LRP6: variants seen among roughly 807,000 people sequenced by gnomAD.
The protein encoded by LRP6 is low-density lipoprotein receptor-related protein 6.
LRP6 carries 43 observed loss-of-function variants against 184.1 expected under a neutral mutation model. That is an observed-to-expected ratio of 0.23 (90% CI 0.18 to 0.30). The LOEUF is 0.30. LRP6 is among the 10% of genes least tolerant of loss of function. The probability of loss-of-function intolerance (pLI) is 1.00; values close to 1 mark genes in which losing one functional copy is unlikely to be tolerated. For missense variants in LRP6, 1,571 were observed against 2,005.3 expected (o/e 0.78, Z 4.14); for synonymous variants, 719 against 684.9 (o/e 1.05, Z -0.78).
chr12:12,205,325 C>CAAAAAAA lies in LRP6; in HGVS notation c.450-1926_450-1925insTTTTTTT, dbSNP rs1334062234. ...CAACAGAATAAGACTCTGTCTCAAA[C>CAAAAAAA]AAACAAAAAAAAAAAAAAAAAAAAA... On this transcript the variant is annotated intron_variant, in intron 2 of 22. Coordinates refer to ENST00000261349, the MANE Select transcript of LRP6 (RefSeq NM_002336.3). Among the ~76,000 whole-genome samples the CAAAAAAA allele has an allele frequency of 5.0e-3, 131 of 26,210 alleles. 7 individuals are homozygous for CAAAAAAA. The highest frequency in any genetic ancestry group is 0.012 in the African/African-American group (128 of 10,448). 17.2% of individuals were successfully genotyped at this position (26,210 alleles called of 152,430 possible). A position where few individuals can be genotyped will look rare whatever the true frequency, so the allele number is the denominator to read the frequency against.
chr12:12,199,322 G>T (rs955886914), intron 3 of LRP6, among the ~76,000 whole-genome samples: 2 of 151,988 alleles, frequency 1.3e-5, no homozygotes, highest in African/African-American at 4.8e-5. Flanking sequence ...ACACTCTATA[G>T]CATGTGTCTC....
rs200429881 is a variant in LRP6, at chr12:12,148,936, A to G, written c.3206+6T>C. 4.3e-4 allele frequency: 689 copies of G among 1,610,306 alleles called. 2 individuals carry two copies. The African/African-American group carries it at 6.9e-3, about 16-fold the overall frequency. ...ACAGTATCTGAACGCCACTTTAGTAACATACCCTTTCTCTGGGTTTACCAC... is the reference window on the plus strand; with the variant it reads ...ACAGTATCTGAACGCCACTTTAGTAGCATACCCTTTCTCTGGGTTTACCAC... On this transcript the variant is annotated splice_donor_region_variant and intron_variant, in intron 14 of 22. Coordinates refer to ENST00000261349, the MANE Select transcript of LRP6 (RefSeq NM_002336.3).
At chr12:12,171,327 T>A in intron 7 of LRP6, among the ~76,000 whole-genome samples, 1 of 152,120 alleles carries the variant, frequency 6.6e-6, no homozygotes, top group Non-Finnish European at 1.5e-5. Context: ...CCATCCTGGC[T>A]AACATGGTGA....
chr12:12,137,667 G>T (rs1477557300), intron 16 of LRP6, among the ~76,000 whole-genome samples: 3 of 151,686 alleles, frequency 2.0e-5, no homozygotes, highest in Non-Finnish European at 4.4e-5. Flanking sequence ...TATAGAGAGG[G>T]AAGAAAAGAA....
chr12:12,156,094 A>T (rs1950148916), intron 12 of LRP6, among the ~76,000 whole-genome samples: 2 of 152,224 alleles, frequency 1.3e-5, no homozygotes, highest in South Asian at 2.1e-4. Flanking sequence ...AAATTACATA[A>T]TACATAAAGA....
intron 1 of LRP6, chr12:12,249,142 T>A (rs769019492): frequency 2.0e-5 from 14 of 708,620 alleles, no homozygotes; most frequent in Admixed American, 6.1e-5. Flanking sequence ...ACAGGGATGA[T>A]AATTGGGCCT....
chr12:12,198,659 G>A (rs969527750), intron 3 of LRP6, among the ~76,000 whole-genome samples: 9 of 149,602 alleles, frequency 6.0e-5, no homozygotes, highest in South Asian at 2.1e-4. Flanking sequence ...TCAGCCTCCC[G>A]AGTAGTTGTG....
chr12:12,218,776 C>T (rs1334637299), intron 2 of LRP6, among the ~76,000 whole-genome samples: 1 of 152,038 alleles, frequency 6.6e-6, no homozygotes, highest in Admixed American at 6.6e-5. Flanking sequence ...CTGCAGTAAG[C>T]TATGACCATG....
intron 3 of LRP6, among the ~76,000 whole-genome samples, chr12:12,192,704 T>C (rs1247326632): frequency 6.6e-6 from 1 of 151,850 alleles, no homozygotes; most frequent in East Asian, 1.9e-4. Flanking sequence ...ATTAGAAACA[T>C]ACAGGTACCT....
At chr12:12,262,292 T>G (rs1025822650) in intron 1 of LRP6, among the ~76,000 whole-genome samples, 3 of 152,088 alleles carry the variant, frequency 2.0e-5, no homozygotes, top group Non-Finnish European at 4.4e-5. Flanking sequence ...AACAGGAGAA[T>G]TGCTTGAACC....
At chr12:12,137,905 G>GT (rs1410989818) in intron 16 of LRP6, among the ~76,000 whole-genome samples, 2 of 151,938 alleles carry the variant, frequency 1.3e-5, no homozygotes, top group African/African-American at 4.8e-5. Flanking sequence ...GATCACACCT[G>GT]TAATCCCAGC....
Position 12,266,664 on chromosome 12 carries a change from G to A in LRP6, c.55+17C>T. On this transcript the variant is annotated intron_variant, in intron 1 of 22. Coordinates refer to ENST00000261349, the MANE Select transcript of LRP6 (RefSeq NM_002336.3). ...CCCCGAACCCCACCAACTTTCCAGT[G>A]CCCCCACTCTTCCCACCTCTCAGGA... The A allele has an allele frequency of 1.2e-6, 2 of 1,609,630 alleles. No individual in the cohort carries two copies. Among genetic ancestry groups the A allele is most frequent in the Non-Finnish European group, 8.5e-7 (1 of 1,177,996 alleles).
rs1211292938 is a variant in LRP6 at position 12,121,162 on chromosome 12, G to A, written c.4806C>T (p.Tyr1602=). Residue 1602 remains tyrosine (Y), a synonymous_variant, in exon 23 of 23, where the codon TAC becomes TAT. Coordinates refer to ENST00000261349, the MANE Select transcript of LRP6 (RefSeq NM_002336.3). ...YTERSYSHHL[Y]PPPPSPCTDS... ...CTGTACAGGGAGAGGGTGGCGGTGG[G>A]TAGAGGTGATGAGAATAGCTCCTCT... 5 of 1,613,592 alleles carry A rather than the reference G, an allele frequency of 3.1e-6. No individual in the cohort carries two copies. The highest frequency in any genetic ancestry group is 1.7e-5 in the Admixed American group (1 of 59,980).
intron 3 of LRP6, among the ~76,000 whole-genome samples, chr12:12,202,336 G>T (rs1336528931): frequency 2.0e-5 from 3 of 152,126 alleles, no homozygotes; most frequent in Non-Finnish European, 4.4e-5. Context: ...TGGAGCTCAG[G>T]GCATAAGACC....
chr12:12,196,082 G>C (rs1201534165), intron 3 of LRP6, among the ~76,000 whole-genome samples: 1 of 151,980 alleles, frequency 6.6e-6, no homozygotes, highest in Admixed American at 6.6e-5. Flanking sequence ...ATGCTGTTTT[G>C]GTTACTACAA....
chr12:12,198,000 G>A (rs1426496903), intron 3 of LRP6, among the ~76,000 whole-genome samples: 1 of 152,214 alleles, frequency 6.6e-6, no homozygotes, highest in African/African-American at 2.4e-5. Context: ...AACAGATTCT[G>A]CAACCTCTGC....
chr12:12,128,973 A>G (rs1242905841), intron 19 of LRP6, among the ~76,000 whole-genome samples: 2 of 152,152 alleles, frequency 1.3e-5, no homozygotes, highest in Non-Finnish European at 2.9e-5. Context: ...CCTAAACTCT[A>G]ATCGCTTCCT....
At chr12:12,253,474 TGCA>T (rs1325192297) in intron 1 of LRP6, among the ~76,000 whole-genome samples, 2 of 152,032 alleles carry the variant, frequency 1.3e-5, no homozygotes, top group Non-Finnish European at 2.9e-5. Context: ...GTGCACAACG[TGCA>T]GGTTTGTTAC....
chr12:12,155,177 C>T (rs1024513923), intron 12 of LRP6: 2 of 528,184 alleles, frequency 3.8e-6, no homozygotes, highest in African/African-American at 3.8e-5. Flanking sequence ...GCCTGGGTGA[C>T]AGTGTGAGAC....
Sources: gnomAD v4.1 joint callset for allele counts (sites outside exome capture counted in the v4.1 genomes callset) on GRCh38, gnomAD v4.1.1 for gene constraint, MANE v1.5 for transcripts, NCBI Gene and HGNC (gene_info 2026-07-23, HGNC 2026-07-21) for gene names.